The following NDST4 variants were observed in gnomAD, a reference collection of about 807,000 sequenced individuals.
NDST4 encodes N-heparan sulfate sulfotransferase 4.
A neutral mutation model predicts 100.8 loss-of-function variants in NDST4; 63 were observed. The observed-to-expected ratio is 0.62, with a 90% CI of 0.51 to 0.77. NDST4 has a LOEUF of 0.77. Ranked by LOEUF, NDST4 falls within the 30% of genes least tolerant of loss-of-function variation. The pLI, the probability that NDST4 is intolerant of heterozygous loss-of-function variation, is 0.00. For synonymous variants in NDST4, 377 were observed against 361.8 expected (o/e 1.04, Z -0.48); for missense variants, 943 against 1,018.4 (o/e 0.93, Z 1.01).
intron 13 of NDST4, among the ~76,000 whole-genome samples, chr4:114,829,103 C>T (rs1723141427): frequency 6.6e-6 from 1 of 152,026 alleles, no homozygotes; most frequent in African/African-American, 2.4e-5. Flanking sequence ...ATATCTATTT[C>T]CATAGTAACC....
intron 1 of NDST4, among the ~76,000 whole-genome samples, chr4:115,110,533 T>C (rs1229812489): frequency 6.6e-6 from 1 of 152,012 alleles, no homozygotes; most frequent in Non-Finnish European, 1.5e-5. Flanking sequence ...TGTGTATCTT[T>C]ACTGTAAATT....
chr4:115,107,867 G>A (rs1380669654), intron 1 of NDST4, among the ~76,000 whole-genome samples: 5 of 151,966 alleles, frequency 3.3e-5, no homozygotes, highest in South Asian at 4.1e-4. Context: ...GACAGATAGA[G>A]TAATTTAAGT....
intron 6 of NDST4, among the ~76,000 whole-genome samples, chr4:114,886,643 G>A (rs1423117233): frequency 6.6e-6 from 1 of 151,944 alleles, no homozygotes; most frequent in Non-Finnish European, 1.5e-5. Flanking sequence ...ACAGTTTGTG[G>A]TTTTGCTCAT....
At chr4:115,083,784 A>T (rs1729349876) in intron 1 of NDST4, among the ~76,000 whole-genome samples, 1 of 151,960 alleles carries the variant, frequency 6.6e-6, no homozygotes, top group East Asian at 1.9e-4. Flanking sequence ...CTCTCTCGTC[A>T]CCCTGTGAAG....
chr4:115,078,745 A>G (rs1298971085), intron 1 of NDST4, among the ~76,000 whole-genome samples: 1 of 151,816 alleles, frequency 6.6e-6, no homozygotes. Context: ...GGAGGCTGAG[A>G]CAGAGAATTG....
chr4:114,935,578 C>T (rs1226164240), intron 5 of NDST4, among the ~76,000 whole-genome samples: 1 of 151,976 alleles, frequency 6.6e-6, no homozygotes, highest in Non-Finnish European at 1.5e-5. Flanking sequence ...AAATCTAACC[C>T]ACCACCTGTG....
intron 2 of NDST4, among the ~76,000 whole-genome samples, chr4:115,045,599 A>G (rs1389066787): frequency 6.6e-6 from 1 of 152,212 alleles, no homozygotes; most frequent in South Asian, 2.1e-4. Flanking sequence ...CCAGCAGTAG[A>G]CTGATATTGA....
chr4:114,891,010 C>A (rs1013732058), intron 6 of NDST4, among the ~76,000 whole-genome samples: 1 of 152,082 alleles, frequency 6.6e-6, no homozygotes, highest in Non-Finnish European at 1.5e-5. Context: ...TTGACCTCTA[C>A]ACCGAAACAC....
At chr4:115,107,935 G>T (rs1420157672) in intron 1 of NDST4, among the ~76,000 whole-genome samples, 1 of 151,928 alleles carries the variant, frequency 6.6e-6, no homozygotes, top group African/African-American at 2.4e-5. Flanking sequence ...TGGATATCAA[G>T]AAAATGTCCT....
chr4:114,925,387 T>A (rs1725367361), intron 6 of NDST4, among the ~76,000 whole-genome samples: 1 of 152,182 alleles, frequency 6.6e-6, no homozygotes, highest in Non-Finnish European at 1.5e-5. Context: ...AAACAGAATT[T>A]CTCGAAGTTT....
At chr4:114,857,442 A>T (rs564937768) in intron 7 of NDST4, among the ~76,000 whole-genome samples, 1 of 152,294 alleles carries the variant, frequency 6.6e-6, no homozygotes, top group African/African-American at 2.4e-5. Flanking sequence ...CCACTTACAA[A>T]TAAGTGGCCC....
chr4:114,845,592 T>C (rs1047400053), intron 10 of NDST4, among the ~76,000 whole-genome samples: 1 of 152,222 alleles, frequency 6.6e-6, no homozygotes, highest in Non-Finnish European at 1.5e-5. Context: ...CTATTAATTC[T>C]TTGGTGATGT....
chr4:114,898,138 T>C (rs989538183), intron 6 of NDST4, among the ~76,000 whole-genome samples: 2 of 152,178 alleles, frequency 1.3e-5, no homozygotes, highest in African/African-American at 4.8e-5. Context: ...ATACCCAAGG[T>C]CATCTACGTT....
intron 2 of NDST4, among the ~76,000 whole-genome samples, chr4:115,063,672 T>C (rs1307942989): frequency 1.3e-5 from 2 of 151,434 alleles, no homozygotes; most frequent in Non-Finnish European, 2.9e-5. Context: ...TTACAATTTA[T>C]CTCGCCACAG....
At chr4:115,088,599 G>A (rs1399131665) in intron 1 of NDST4, among the ~76,000 whole-genome samples, 2 of 151,680 alleles carry the variant, frequency 1.3e-5, no homozygotes, top group Non-Finnish European at 2.9e-5. Flanking sequence ...AAGAAGTTTA[G>A]CTCATGCCCA....
intron 2 of NDST4, among the ~76,000 whole-genome samples, chr4:114,986,592 T>C (rs1726906244): frequency 1.3e-5 from 2 of 151,848 alleles, no homozygotes; most frequent in African/African-American, 4.8e-5. Flanking sequence ...TTCATAAAGA[T>C]CATCTCAAAC....
intron 2 of NDST4, among the ~76,000 whole-genome samples, chr4:115,041,125 A>C (rs898596921): frequency 6.6e-6 from 1 of 152,118 alleles, no homozygotes; most frequent in African/African-American, 2.4e-5. Flanking sequence ...TAATGCATAG[A>C]GGCATTGATC....
In NDST4 at chr4:115,019,685, G is replaced by C. The variant is rs957564247; in HGVS notation, c.979-42411C>G. 2.9e-4 allele frequency among the ~76,000 whole-genome samples: 44 copies of C among 152,218 alleles called. No homozygotes were observed. The East Asian group carries it at 3.3e-3, about 11-fold the overall frequency. On this transcript the variant is annotated intron_variant, in intron 2 of 13. Coordinates refer to ENST00000264363, the MANE Select transcript of NDST4 (RefSeq NM_022569.3). ...CAATGGCCCCTCAAAAACCCATGTT[G>C]CAATTTAATTACCATTGTAATGGAA...
At chr4:114,911,178 C>A (rs569013270) in intron 6 of NDST4, among the ~76,000 whole-genome samples, 1 of 152,250 alleles carries the variant, frequency 6.6e-6, no homozygotes, top group Admixed American at 6.5e-5. Context: ...CTTTCCATGG[C>A]CTAGTTCGCA....
Sources: gnomAD v4.1 joint callset for allele counts (sites outside exome capture counted in the v4.1 genomes callset) on GRCh38, gnomAD v4.1.1 for gene constraint, MANE v1.5 for transcripts, NCBI Gene and HGNC (gene_info 2026-07-23, HGNC 2026-07-21) for gene names.